The following THBS2 variants were observed in gnomAD, a reference collection of about 807,000 sequenced individuals.
THBS2 encodes thrombospondin-2.
Under a neutral mutation model 135.2 loss-of-function variants are expected in THBS2, and 47 were observed. That is an observed-to-expected ratio of 0.35 (90% confidence interval 0.28 to 0.44). The LOEUF (loss-of-function observed/expected upper bound fraction) is 0.44. Among genes scored for constraint, THBS2 ranks in the 20% least tolerant of loss-of-function variants. THBS2 has a pLI of 1.00. For synonymous variants in THBS2, 639 were observed against 633.8 expected (o/e 1.01, Z -0.12); for missense variants, 1,288 against 1,603.1 (o/e 0.80, Z 3.36).
rs1455587351 is a variant in THBS2 at position 169,240,437 on chromosome 6, G to A, written c.1032+15C>T. The A allele has an allele frequency of 2.5e-6, 4 of 1,612,178 alleles. No homozygotes were observed. The highest frequency in any genetic ancestry group is 3.4e-6 in the Non-Finnish European group (4 of 1,179,396). ...GGTGGCCTCTTCCCCCAAGAGCCGT[G>A]TTCTGGGGCCTCACCTTGCAGGTAC... On this transcript the variant is annotated intron_variant, in intron 6 of 21. Transcript: ENST00000617924.
At chr6:169,253,299 A>T (rs1178859855) in intron 1 of THBS2, among the ~76,000 whole-genome samples, 1 of 152,178 alleles carries the variant, frequency 6.6e-6, no homozygotes, top group Non-Finnish European at 1.5e-5. Flanking sequence ...TCTCTCTCTA[A>T]TCTCCAGTTA....
In THBS2 at chr6:169,231,964, G is replaced by C; in HGVS notation, c.2151+16C>G. 1 of 1,612,378 alleles carries C rather than the reference G, an allele frequency of 6.2e-7. No individual in the cohort carries two copies. Among genetic ancestry groups the C allele is most frequent in the Non-Finnish European group, 8.5e-7 (1 of 1,179,516 alleles). On this transcript the variant is annotated intron_variant, in intron 13 of 21. Coordinates refer to ENST00000617924, the MANE Select transcript of THBS2 (RefSeq NM_003247.5). ...ACCGCCGTGGCCCCGTGTGCCCTGC[G>C]AGCCCCGCGCCTCACCTTGATGCAG...
At position 169,223,264 on chromosome 6, in the gene THBS2, G is replaced by A. The variant is rs1253320757; in HGVS notation, c.2985C>T (p.Asp995=). The change falls in exon 18 of 22, where the codon GAC becomes GAT. Residue 995 remains aspartate (D), a synonymous_variant. Coordinates refer to ENST00000617924, the MANE Select transcript of THBS2 (RefSeq NM_003247.5). ...GAGACTCACCTACAGCGATGCCGGG[G>A]TCCGAGTTGGCTGTCTGAACCAGCT... ...GKELVQTANS[D]PGIAVGFDEF... 1.2e-6 allele frequency: 2 copies of A among 1,613,558 alleles called. No homozygotes were observed. Among genetic ancestry groups the A allele is most frequent in the African/African-American group, 1.3e-5 (1 of 74,922 alleles).
At chr6:169,228,305 C>G in intron 14 of THBS2, 24 bp from the exon 15 acceptor site, 3 of 1,613,250 alleles carry the variant, frequency 1.9e-6, no homozygotes, top group Non-Finnish European at 2.5e-6. Flanking sequence ...AAAGGGAAGA[C>G]TTTAACGAAG....
intron 15 of THBS2, among the ~76,000 whole-genome samples, chr6:169,227,341 A>G (rs779599797): frequency 5.9e-5 from 9 of 152,196 alleles, no homozygotes; most frequent in Non-Finnish European, 1.2e-4. Context: ...ATGCGGTGAC[A>G]GTGGCACTGG....
intron 4 of THBS2, among the ~76,000 whole-genome samples, chr6:169,243,139 C>CTCCCACCT (rs1219980472): frequency 8.0e-6 from 1 of 124,812 alleles, no homozygotes; most frequent in Non-Finnish European, 1.7e-5. Flanking sequence ...CTTCCCACCG[C>CTCCCACCT]TCCCACCTTC....
At chr6:169,243,584 C>T (rs1442446892) in intron 4 of THBS2, among the ~76,000 whole-genome samples, 1 of 152,208 alleles carries the variant, frequency 6.6e-6, no homozygotes, top group African/African-American at 2.4e-5. Context: ...AGCTTCCCCT[C>T]GGATTCATGT....
chr6:169,225,461 G>C, intron 16 of THBS2, 82 bp from the exon 17 acceptor site: 1 of 1,384,648 alleles, frequency 7.2e-7, no homozygotes, highest in Non-Finnish European at 1.0e-6. Context: ...GCAAGCCTGA[G>C]AGCCGGCCTC....
At chr6:169,223,851 T>G (rs1461742974) in intron 17 of THBS2, among the ~76,000 whole-genome samples, 1 of 152,242 alleles carries the variant, frequency 6.6e-6, no homozygotes, top group East Asian at 1.9e-4. Context: ...GAATGTCTGT[T>G]ATTACTTTTC....
At chr6:169,231,695 C>T (rs1229775307) in intron 13 of THBS2, among the ~76,000 whole-genome samples, 1 of 152,222 alleles carries the variant, frequency 6.6e-6, no homozygotes, top group African/African-American at 2.4e-5. Flanking sequence ...TCCCTCTGCT[C>T]AGTTTCAGGC....
chr6:169,238,254 G>T (rs1780175981), intron 7 of THBS2, among the ~76,000 whole-genome samples: 1 of 152,168 alleles, frequency 6.6e-6, no homozygotes, highest in Admixed American at 6.5e-5. Flanking sequence ...AAAATTACAG[G>T]TCACTTATTT....
intron 4 of THBS2, among the ~76,000 whole-genome samples, chr6:169,245,591 G>C (rs766327413): frequency 4.6e-5 from 7 of 152,102 alleles, no homozygotes; most frequent in Non-Finnish European, 1.0e-4. Flanking sequence ...AGGAGATCGA[G>C]ACCATCTTGG....
intron 4 of THBS2, among the ~76,000 whole-genome samples, chr6:169,245,852 C>T (rs1436043241): frequency 1.3e-5 from 2 of 151,422 alleles, no homozygotes; most frequent in East Asian, 3.9e-4. Context: ...CTATGACTTT[C>T]CTTAGGCAGA....
intron 7 of THBS2, among the ~76,000 whole-genome samples, chr6:169,238,919 G>C (rs535744043): frequency 7.2e-5 from 11 of 152,160 alleles, no homozygotes; most frequent in African/African-American, 2.2e-4. Context: ...CCTTGCCAAC[G>C]GCACGGCACT....
chr6:169,220,381 A>G (rs528559757), intron 20 of THBS2, 44 bp from the exon 21 acceptor site: 2 of 1,589,370 alleles, frequency 1.3e-6, no homozygotes, highest in East Asian at 2.2e-5. Context: ...GAAAGACAAC[A>G]TGAACTCTGT....
At chr6:169,224,866 T>C (rs538808574) in intron 17 of THBS2, among the ~76,000 whole-genome samples, 8 of 152,058 alleles carry the variant, frequency 5.3e-5, no homozygotes, top group Non-Finnish European at 1.0e-4. Flanking sequence ...TCGTCAACAA[T>C]CTGGAAGTTA....
At chr6:169,232,532 C>T in intron 12 of THBS2, 132 bp downstream of exon 12, 1 of 1,437,022 alleles carries the variant, frequency 7.0e-7, no homozygotes, top group Non-Finnish European at 9.4e-7. Context: ...GCTCAGCTTC[C>T]CCGGGCCAGC....
At chr6:169,221,409 G>C in intron 20 of THBS2, 21 bp downstream of exon 20, 1 of 1,609,624 alleles carries the variant, frequency 6.2e-7, no homozygotes, top group South Asian at 1.1e-5. Flanking sequence ...AAGAAATGCA[G>C]CTGTGCTGAC....
At position 169,246,201 on chromosome 6, in the gene THBS2, C is replaced by T. The variant is rs200969362; in HGVS notation, c.690G>A (p.Gln230=). 2.3e-4 allele frequency: 375 copies of T among 1,613,906 alleles called. 1 individual carries two copies. The highest frequency in any genetic ancestry group is 2.3e-3 in the Middle Eastern group (14 of 6,062). Residue 230 remains glutamine (Q), a synonymous_variant, in exon 4 of 22, where the codon CAG becomes CAA. Transcript: ENST00000617924. ...CATTTTTCACAACACACCTACCTCC[C>T]TGGCCTTGCTGGCAACCCTTCTTGC... ...ILSKKGCQQG[Q]GAEINAISEN... is the part of the protein sequence containing the mutation.
Sources: gnomAD v4.1 joint callset for allele counts (sites outside exome capture counted in the v4.1 genomes callset) on GRCh38, gnomAD v4.1.1 for gene constraint, MANE v1.5 for transcripts, NCBI Gene and HGNC (gene_info 2026-07-23, HGNC 2026-07-21) for gene names.